DOCK3: variants seen among roughly 807,000 people sequenced by gnomAD.
DOCK3 encodes dedicator of cytokinesis 3.
Under a neutral mutation model 265.6 loss-of-function variants are expected in DOCK3, and 60 were observed. The ratio of observed to expected loss-of-function variants is 0.23; its 90% CI spans 0.18 to 0.28. The LOEUF is 0.28. Among genes scored for constraint, DOCK3 ranks in the 10% least tolerant of loss-of-function variants. The pLI is 1.00. For missense variants in DOCK3, 1,981 were observed against 2,594.3 expected (o/e 0.76, Z 5.14); for synonymous variants, 881 against 938.0 (o/e 0.94, Z 1.11).
At chr3:50,777,333 A>G (rs1275221820) in intron 1 of DOCK3, among the ~76,000 whole-genome samples, 1 of 152,116 alleles carries the variant, frequency 6.6e-6, no homozygotes, top group Non-Finnish European at 1.5e-5. Flanking sequence ...TGGTAACTAT[A>G]GCCCTGTAGT....
chr3:51,152,140 C>T (rs1392549650), intron 10 of DOCK3, among the ~76,000 whole-genome samples: 4 of 152,160 alleles, frequency 2.6e-5, no homozygotes, highest in Middle Eastern at 3.4e-3. Flanking sequence ...ACCAATCAGA[C>T]GTAGATTTGG....
intron 2 of DOCK3, among the ~76,000 whole-genome samples, chr3:50,810,119 A>C (rs1401955710): frequency 6.6e-6 from 1 of 152,170 alleles, no homozygotes; most frequent in Admixed American, 6.5e-5. Flanking sequence ...TGGGCGACAG[A>C]GGGAGAACCT....
At chr3:51,349,559 C>T (rs1398868201) in intron 39 of DOCK3, among the ~76,000 whole-genome samples, 1 of 152,200 alleles carries the variant, frequency 6.6e-6, no homozygotes, top group Non-Finnish European at 1.5e-5. Context: ...GCATGTTCCT[C>T]TAGCAGTGGC....
chr3:50,840,456 C>T (rs182563186), intron 2 of DOCK3, among the ~76,000 whole-genome samples: 1 of 152,270 alleles, frequency 6.6e-6, no homozygotes, highest in Admixed American at 6.5e-5. Flanking sequence ...GTTCCAGCAC[C>T]ATTTGTTGAA....
chr3:51,194,383 G>A (rs778763062), intron 12 of DOCK3, among the ~76,000 whole-genome samples: 56 of 152,140 alleles, frequency 3.7e-4, no homozygotes, highest in Admixed American at 4.6e-4. Context: ...TTCTGCAGTC[G>A]TTGGGTAGAA....
chr3:51,195,907 T>G (rs560875929), intron 12 of DOCK3, among the ~76,000 whole-genome samples: 4 of 152,022 alleles, frequency 2.6e-5, no homozygotes, highest in African/African-American at 9.6e-5. Flanking sequence ...AGCTGTCAGA[T>G]TTTTTTTCTT....
intron 1 of DOCK3, among the ~76,000 whole-genome samples, chr3:50,743,346 T>A (rs1364566647): frequency 1.3e-5 from 2 of 151,952 alleles, no homozygotes; most frequent in African/African-American, 2.4e-5. Context: ...CATAACAATA[T>A]TAACTTTAAA....
intron 3 of DOCK3, among the ~76,000 whole-genome samples, chr3:50,848,346 G>A (rs2046190637): frequency 6.6e-6 from 1 of 152,164 alleles, no homozygotes; most frequent in South Asian, 2.1e-4. Context: ...TCGTGAAGTT[G>A]TTAGCTGGCT....
chr3:51,243,368 G>A (rs574033675), intron 21 of DOCK3, among the ~76,000 whole-genome samples: 1 of 152,124 alleles, frequency 6.6e-6, no homozygotes, highest in African/African-American at 2.4e-5. Flanking sequence ...AGAGCAAGTT[G>A]CTTCTTAATA....
intron 49 of DOCK3, among the ~76,000 whole-genome samples, chr3:51,365,041 G>T (rs1201132352): frequency 6.6e-6 from 1 of 152,144 alleles, no homozygotes; most frequent in African/African-American, 2.4e-5. Context: ...TAGCTTGATG[G>T]GGATGGCATT....
At chr3:50,916,619 C>T (rs1349199415) in intron 4 of DOCK3, among the ~76,000 whole-genome samples, 1 of 151,910 alleles carries the variant, frequency 6.6e-6, no homozygotes. Flanking sequence ...AGATCGAGAC[C>T]ATCCTGGTGA....
chr3:50,790,638 T>A (rs1395432000), intron 2 of DOCK3, among the ~76,000 whole-genome samples: 1 of 152,188 alleles, frequency 6.6e-6, no homozygotes, highest in African/African-American at 2.4e-5. Context: ...AGACTAAAGA[T>A]AGGACCTCAA....
At chr3:51,337,119 G>A (rs2110045714) in intron 35 of DOCK3, among the ~76,000 whole-genome samples, 2 of 152,298 alleles carry the variant, frequency 1.3e-5, no homozygotes, top group Middle Eastern at 6.8e-3. Flanking sequence ...TGGTGAATGT[G>A]CTGATAGGTC....
intron 4 of DOCK3, among the ~76,000 whole-genome samples, chr3:50,920,422 C>G (rs1206182018): frequency 6.6e-6 from 1 of 152,166 alleles, no homozygotes; most frequent in Non-Finnish European, 1.5e-5. Flanking sequence ...GCCTCAATTT[C>G]AGAGCCTATT....
At chr3:51,231,908 G>A (rs894383078) in intron 19 of DOCK3, among the ~76,000 whole-genome samples, 13 of 152,090 alleles carry the variant, frequency 8.5e-5, no homozygotes, top group Admixed American at 7.2e-4. Flanking sequence ...CTTAAATCTT[G>A]AATCCATCTT....
intron 3 of DOCK3, among the ~76,000 whole-genome samples, chr3:50,864,392 G>C (rs917444888): frequency 6.6e-6 from 1 of 151,968 alleles, no homozygotes; most frequent in African/African-American, 2.4e-5. Flanking sequence ...CTTTCGTTCT[G>C]TAGGTTGTCT....
chr3:50,687,142 G>A (rs994581286), intron 1 of DOCK3, among the ~76,000 whole-genome samples: 41 of 152,112 alleles, frequency 2.7e-4, no homozygotes, highest in African/African-American at 9.9e-4. Flanking sequence ...CTTGAACCCG[G>A]GAGGTGGAGG....
At chr3:51,269,774 A>T (rs958878220) in intron 23 of DOCK3, among the ~76,000 whole-genome samples, 3 of 152,238 alleles carry the variant, frequency 2.0e-5, no homozygotes, top group African/African-American at 7.2e-5. Flanking sequence ...AAGAGAAAAT[A>T]ATAAGAACCA....
At chr3:51,146,518 T>C (rs1319537163) in intron 9 of DOCK3, 31 bp from the exon 10 acceptor site, 3 of 1,564,566 alleles carry the variant, frequency 1.9e-6, no homozygotes, top group Admixed American at 1.9e-5. Flanking sequence ...GTTACTCACA[T>C]TTCTCTATAT....
Sources: gnomAD v4.1 joint callset for allele counts (sites outside exome capture counted in the v4.1 genomes callset) on GRCh38, gnomAD v4.1.1 for gene constraint, MANE v1.5 for transcripts, NCBI Gene and HGNC (gene_info 2026-07-23, HGNC 2026-07-21) for gene names.